Variants in LRRIQ3 observed in about 807,000 individuals in gnomAD.
LRRIQ3 encodes the protein leucine rich repeats and IQ motif containing 3.
Under a neutral mutation model 59.3 loss-of-function variants are expected in LRRIQ3, and 75 were observed. The observed-to-expected ratio is 1.26, with a 90% CI of 1.05 to 1.53. The LOEUF is 1.53. Ranked by LOEUF, LRRIQ3 falls within the 40% of genes most tolerant of loss-of-function variation. LRRIQ3 has a pLI of 0.00. For synonymous variants in LRRIQ3, 250 were observed against 231.3 expected, an observed-to-expected ratio of 1.08 and a Z score of -0.73; for missense variants, 831 against 710.0, an observed-to-expected ratio of 1.17 and a Z score of -1.94.
In LRRIQ3 at chr1:74,041,741, T is replaced by A. The variant is rs1654053522; in HGVS notation, c.1190A>T (p.Asp397Val). 5.0e-6 allele frequency: 8 copies of A among 1,613,734 alleles called. No homozygotes were observed. The highest frequency in any genetic ancestry group is 1.7e-5 in the Admixed American group (1 of 59,982). ...TTHPKPIIKK[D>V]IRLERSMKEF... ...TTTCATACTCCGCTCCAATCGTATG[T>A]CTTTTTTAATGATTGGCTTTGGATG... The change falls in exon 7 of 8, where the codon GAC becomes GTC. Residue 397 changes from aspartate to valine, a missense_variant. Transcript: ENST00000354431.
intron 7 of LRRIQ3, 48 bp from the exon 8 acceptor site, chr1:74,027,017 A>G: frequency 8.0e-7 from 1 of 1,249,250 alleles, no homozygotes; most frequent in Non-Finnish European, 1.1e-6. Flanking sequence ...TTAAATACTG[A>G]AACCATGGCA....
At chr1:74,035,730 C>T (rs1271800252) in intron 7 of LRRIQ3, among the ~76,000 whole-genome samples, 1 of 152,108 alleles carries the variant, frequency 6.6e-6, no homozygotes, top group African/African-American at 2.4e-5. Context: ...GACTTAGAGG[C>T]TCTTTTTAAT....
intron 3 of LRRIQ3, among the ~76,000 whole-genome samples, chr1:74,171,008 G>A (rs1479954461): frequency 1.3e-5 from 2 of 152,014 alleles, no homozygotes; most frequent in African/African-American, 4.8e-5. Context: ...ACTGAGTTAT[G>A]TGTAACTTTA....
At chr1:74,099,599 A>G (rs900163605) in intron 5 of LRRIQ3, among the ~76,000 whole-genome samples, 6 of 152,146 alleles carry the variant, frequency 3.9e-5, no homozygotes, top group Admixed American at 3.3e-4. Flanking sequence ...CAGAGACACA[A>G]CAAAAAAAGA....
intron 6 of LRRIQ3, among the ~76,000 whole-genome samples, chr1:74,047,965 C>A (rs1418406963): frequency 6.6e-6 from 1 of 152,126 alleles, no homozygotes; most frequent in African/African-American, 2.4e-5. Flanking sequence ...TCCCTTCTCA[C>A]TATGCACACA....
chr1:74,034,691 A>T (rs951902186), intron 7 of LRRIQ3, among the ~76,000 whole-genome samples: 4 of 151,642 alleles, frequency 2.6e-5, no homozygotes, highest in African/African-American at 9.7e-5. Flanking sequence ...AAAGAAAATG[A>T]TTTTAAATAT....
chr1:74,057,929 T>A (rs1321515233), intron 6 of LRRIQ3, among the ~76,000 whole-genome samples: 1 of 152,074 alleles, frequency 6.6e-6, no homozygotes, highest in African/African-American at 2.4e-5. Context: ...TAGACATTTA[T>A]CAAAAGAAGA....
chr1:74,128,768 A>C (rs1382134399), intron 4 of LRRIQ3, among the ~76,000 whole-genome samples: 4 of 152,056 alleles, frequency 2.6e-5, no homozygotes, highest in Non-Finnish European at 5.9e-5. Context: ...ATTTAAAGGA[A>C]TTTGGGTGTT....
intron 5 of LRRIQ3, among the ~76,000 whole-genome samples, chr1:74,101,533 A>G (rs1321267233): frequency 2.6e-5 from 4 of 152,210 alleles, no homozygotes; most frequent in Non-Finnish European, 5.9e-5. Flanking sequence ...TAGAAATACC[A>G]TTTGATCCAG....
intron 4 of LRRIQ3, among the ~76,000 whole-genome samples, chr1:74,129,102 C>T (rs547179976): frequency 6.6e-6 from 1 of 152,168 alleles, no homozygotes; most frequent in South Asian, 2.1e-4. Flanking sequence ...TCAGTAACCA[C>T]TGCCTTGCTA....
intron 4 of LRRIQ3, among the ~76,000 whole-genome samples, chr1:74,115,720 G>C (rs1196479815): frequency 6.6e-6 from 1 of 151,876 alleles, no homozygotes; most frequent in Non-Finnish European, 1.5e-5. Context: ...CAAGAATAAA[G>C]GCTAAAAAAC....
intron 7 of LRRIQ3, among the ~76,000 whole-genome samples, chr1:74,028,724 T>G (rs1462302112): frequency 6.6e-6 from 1 of 151,964 alleles, no homozygotes; most frequent in Admixed American, 6.6e-5. Flanking sequence ...TTTTTTCATC[T>G]TTATAAAGAG....
At chr1:74,148,294 T>C (rs977242506) in intron 4 of LRRIQ3, among the ~76,000 whole-genome samples, 1 of 152,156 alleles carries the variant, frequency 6.6e-6, no homozygotes, top group Non-Finnish European at 1.5e-5. Flanking sequence ...GTAGTCTCAG[T>C]ATAATTTATT....
chr1:74,103,275 CA>C (rs1646560216), intron 5 of LRRIQ3, among the ~76,000 whole-genome samples: 1 of 152,010 alleles, frequency 6.6e-6, no homozygotes, highest in East Asian at 1.9e-4. Context: ...CAAGTTCCAG[CA>C]TAGAACTTGA....
chr1:74,119,784 A>G (rs1646826705), intron 4 of LRRIQ3, among the ~76,000 whole-genome samples: 1 of 152,014 alleles, frequency 6.6e-6, no homozygotes, highest in South Asian at 2.1e-4. Context: ...TGTTCATCTG[A>G]TTTCTCTATC....
chr1:74,191,753 A>G (rs895065285), intron 1 of LRRIQ3, among the ~76,000 whole-genome samples: 1 of 152,144 alleles, frequency 6.6e-6, no homozygotes, highest in Non-Finnish European at 1.5e-5. Context: ...TGTAAAATTT[A>G]GCAAAATTTG....
chr1:74,078,167 C>A (rs1043112811), intron 5 of LRRIQ3, among the ~76,000 whole-genome samples: 3 of 151,732 alleles, frequency 2.0e-5, no homozygotes, highest in Admixed American at 2.0e-4. Flanking sequence ...TTGATAAAAT[C>A]TTTCATTACT....
intron 6 of LRRIQ3, among the ~76,000 whole-genome samples, chr1:74,046,535 T>C (rs952457044): frequency 3.9e-5 from 6 of 152,178 alleles, no homozygotes; most frequent in African/African-American, 1.4e-4. Context: ...GACATTGGAA[T>C]GGGCAAAGGC....
chr1:74,198,089 A>G lies in LRRIQ3; in HGVS notation c.-94T>C. The G allele has an allele frequency of 4.7e-6, 6 of 1,266,546 alleles. No individual in the cohort carries two copies. The highest frequency in any genetic ancestry group is 5.3e-6 in the Non-Finnish European group (5 of 949,826). 78.5% of individuals were successfully genotyped at this position (1,266,546 alleles called of 1,614,324 possible). Reference sequence around the variant, plus strand: ...ATCGCTGGGCGGCCATCTGCTCCTGAGACCGTTGCTAGAGAAACAAGACAA... The same window carrying G: ...ATCGCTGGGCGGCCATCTGCTCCTGGGACCGTTGCTAGAGAAACAAGACAA... On this transcript the variant is annotated 5_prime_UTR_variant, in exon 1 of 8. Transcript: ENST00000354431.
Sources: allele counts gnomAD v4.1 joint callset (sites outside exome capture counted in the v4.1 genomes callset), GRCh38; gene constraint gnomAD v4.1.1; transcripts MANE v1.5; gene names NCBI Gene and HGNC (gene_info 2026-07-23, HGNC 2026-07-21).